The following RASGRF2 variants were observed in gnomAD, a reference collection of about 807,000 sequenced individuals.
RASGRF2 encodes the protein ras-specific guanine nucleotide-releasing factor 2.
A neutral mutation model predicts 151.0 loss-of-function variants in RASGRF2; 76 were observed. The observed-to-expected ratio is 0.50, with a 90% CI of 0.42 to 0.61. The LOEUF (loss-of-function observed/expected upper bound fraction) is 0.61. RASGRF2 is among the 20% of genes least tolerant of loss of function. The pLI, the probability that RASGRF2 is intolerant of heterozygous loss-of-function variation, is 0.00. For missense variants in RASGRF2, 1,148 were observed against 1,564.6 expected (o/e 0.73, Z 4.49); for synonymous variants, 504 against 566.5 (o/e 0.89, Z 1.57).
At chr5:81,168,604 C>T (rs979309090) in intron 17 of RASGRF2, among the ~76,000 whole-genome samples, 1 of 152,166 alleles carries the variant, frequency 6.6e-6, no homozygotes, top group African/African-American at 2.4e-5. Context: ...AGCCACTGCC[C>T]CCAGCACCGG....
chr5:81,177,375 A>G (rs925282619), intron 17 of RASGRF2, among the ~76,000 whole-genome samples: 5 of 152,064 alleles, frequency 3.3e-5, no homozygotes, highest in Non-Finnish European at 7.4e-5. Context: ...GAAGAGGAGT[A>G]AGGAGAAGGG....
intron 17 of RASGRF2, among the ~76,000 whole-genome samples, chr5:81,141,406 A>G (rs563312752): frequency 8.5e-5 from 13 of 152,260 alleles, no homozygotes; most frequent in Middle Eastern, 6.8e-3. Context: ...TGGAAGGGGC[A>G]CAGTGGGGAC....
Position 81,017,136 on chromosome 5 carries a change from G to A in RASGRF2, c.289-25741G>A, listed in dbSNP as rs1048863143. Among the ~76,000 whole-genome samples, 7 of 152,290 alleles carry A rather than the reference G, an allele frequency of 4.6e-5. No homozygotes were observed. In the East Asian group the frequency reaches 5.8e-4, roughly 13 times the overall value. On this transcript the variant is annotated intron_variant, in intron 1 of 26. Coordinates refer to ENST00000265080, the MANE Select transcript of RASGRF2 (RefSeq NM_006909.3). Reference sequence around the variant, plus strand: ...TGAAATTACCCAGTTTCACAGCTCCGGCAGGAGTCCAGTGTCCTAGGCAGC... The same window carrying A: ...TGAAATTACCCAGTTTCACAGCTCCAGCAGGAGTCCAGTGTCCTAGGCAGC...
At chr5:81,107,854 G>A (rs576560980) in intron 12 of RASGRF2, among the ~76,000 whole-genome samples, 3 of 152,342 alleles carry the variant, frequency 2.0e-5, no homozygotes, top group Non-Finnish European at 4.4e-5. Flanking sequence ...TTGAAGGGGA[G>A]CTTAAAAATA....
intron 1 of RASGRF2, among the ~76,000 whole-genome samples, chr5:80,994,449 C>A (rs1748766261): frequency 6.6e-6 from 1 of 151,716 alleles, no homozygotes; most frequent in Non-Finnish European, 1.5e-5. Context: ...AAATGACGAG[C>A]TGATGGCTTT....
At chr5:81,185,958 G>A (rs1273045291) in intron 18 of RASGRF2, among the ~76,000 whole-genome samples, 1 of 152,160 alleles carries the variant, frequency 6.6e-6, no homozygotes, top group South Asian at 2.1e-4. Flanking sequence ...TGGTTTACTG[G>A]GACTGGCAAG....
chr5:81,175,467 A>G (rs1181608695), intron 17 of RASGRF2, among the ~76,000 whole-genome samples: 2 of 152,078 alleles, frequency 1.3e-5, no homozygotes, highest in African/African-American at 4.8e-5. Flanking sequence ...AAAAATATCT[A>G]CTGGGGCTGG....
intron 17 of RASGRF2, among the ~76,000 whole-genome samples, chr5:81,140,566 C>A (rs1753861508): frequency 6.6e-6 from 1 of 152,164 alleles, no homozygotes; most frequent in South Asian, 2.1e-4. Context: ...ATGCTCATGG[C>A]AGGTGGGCTT....
chr5:81,111,789 T>C (rs1053824332), intron 13 of RASGRF2, among the ~76,000 whole-genome samples: 1 of 152,144 alleles, frequency 6.6e-6, no homozygotes, highest in Non-Finnish European at 1.5e-5. Flanking sequence ...TACCTAACCC[T>C]ATATCCATCA....
At chr5:81,181,549 G>A (rs1754917412) in intron 18 of RASGRF2, among the ~76,000 whole-genome samples, 2 of 152,140 alleles carry the variant, frequency 1.3e-5, no homozygotes, top group African/African-American at 2.4e-5. Flanking sequence ...TCAGTGAGCT[G>A]CTGGTAAATC....
intron 17 of RASGRF2, among the ~76,000 whole-genome samples, chr5:81,170,481 C>T (rs1754635154): frequency 6.6e-6 from 1 of 152,344 alleles, no homozygotes; most frequent in South Asian, 2.1e-4. Context: ...TTTCCTGTTC[C>T]CATGATTCCT....
intron 17 of RASGRF2, among the ~76,000 whole-genome samples, chr5:81,144,139 TCAG>T (rs1753950061): frequency 6.6e-6 from 1 of 152,204 alleles, no homozygotes; most frequent in Non-Finnish European, 1.5e-5. Flanking sequence ...TAAAATTTCA[TCAG>T]CCTCATACAT....
intron 17 of RASGRF2, among the ~76,000 whole-genome samples, chr5:81,178,356 C>T (rs1754830750): frequency 6.6e-6 from 1 of 152,122 alleles, no homozygotes; most frequent in South Asian, 2.1e-4. Flanking sequence ...AGCTAGGGAA[C>T]ACTAGAAGAA....
At chr5:80,962,248 G>A (rs1446551882) in intron 1 of RASGRF2, among the ~76,000 whole-genome samples, 2 of 152,158 alleles carry the variant, frequency 1.3e-5, no homozygotes, top group East Asian at 3.8e-4. Context: ...GTTTAAATAT[G>A]CTCTTTAGTT....
At chr5:81,079,499 T>G (rs925583465) in intron 5 of RASGRF2, among the ~76,000 whole-genome samples, 1 of 126,626 alleles carries the variant, frequency 7.9e-6, no homozygotes, top group Non-Finnish European at 1.8e-5. Flanking sequence ...GTAGGTTAAT[T>G]CCAATGAGGA....
intron 2 of RASGRF2, among the ~76,000 whole-genome samples, chr5:81,063,225 A>T (rs564945646): frequency 6.6e-6 from 1 of 152,256 alleles, no homozygotes; most frequent in African/African-American, 2.4e-5. Context: ...TGCTATGCTC[A>T]GTTCAGGGAA....
Position 80,960,786 on chromosome 5 carries a change from C to T in RASGRF2, c.48C>T (p.Ala16=), listed in dbSNP as rs1360755840. The part of the protein sequence containing the change: ...RYNEGHALYL[A]FLARKEGTKR... The stretch of plus-strand genomic sequence containing the variant: ...ACGAGGGGCACGCCCTGTACCTGGC[C>T]TTTCTGGCGCGCAAGGAGGGCACCA... Residue 16 remains alanine, a synonymous_variant, in exon 1 of 27, where the codon GCC becomes GCT. Coordinates refer to ENST00000265080, the MANE Select transcript of RASGRF2 (RefSeq NM_006909.3). The surrounding 1 kb of genome is among the most constrained non-coding windows in gnomAD (Gnocchi z 5.5). 1 of 1,612,738 alleles carries T rather than the reference C, an allele frequency of 6.2e-7. No individual in the cohort carries two copies. Among genetic ancestry groups the T allele is most frequent in the East Asian group, 2.2e-5 (1 of 44,844 alleles).
intron 17 of RASGRF2, among the ~76,000 whole-genome samples, chr5:81,169,580 G>C (rs1222135583): frequency 1.3e-5 from 2 of 152,150 alleles, no homozygotes; most frequent in African/African-American, 4.8e-5. Context: ...TAATGATTAG[G>C]ACGCACCATA....
chr5:81,168,304 C>CTT (rs1345527873), intron 17 of RASGRF2, among the ~76,000 whole-genome samples: 1 of 101,124 alleles, frequency 9.9e-6, no homozygotes, highest in Non-Finnish European at 1.9e-5. Flanking sequence ...CTTTTTTTTT[C>CTT]TTCTCTTTTT....
Sources: allele counts gnomAD v4.1 joint callset (sites outside exome capture counted in the v4.1 genomes callset), GRCh38; gene constraint gnomAD v4.1.1; non-coding constraint Gnocchi (gnomAD v3.1); transcripts MANE v1.5; gene names NCBI Gene and HGNC (gene_info 2026-07-23, HGNC 2026-07-21).